The following DMD variants were observed in gnomAD, a reference collection of about 807,000 sequenced individuals.
DMD encodes dystrophin, also known as mutant dystrophin.
Under a neutral mutation model 330.1 loss-of-function variants are expected in DMD, and 63 were observed. The ratio of observed to expected loss-of-function variants is 0.19; its 90% CI spans 0.16 to 0.24. The LOEUF (loss-of-function observed/expected upper bound fraction) is 0.24, where lower values mean the gene tolerates loss of function less well. DMD is among the 10% of genes least tolerant of loss of function. The probability of loss-of-function intolerance (pLI) is 1.00; values close to 1 mark genes in which losing one functional copy is unlikely to be tolerated. For missense variants in DMD, 3,344 were observed against 2,684.1 expected (o/e 1.25, Z -5.43); for synonymous variants, 1,223 against 959.8 (o/e 1.27, Z -5.07).
In DMD at chrX:33,239,406, C is replaced by T. The variant is rs142769983; in HGVS notation, c.7+99853G>A. On this transcript the variant is annotated intron_variant, in intron 1 of 17. Transcript: ENST00000288447. ...TTATGTATGCAACAGCTATATTCTA[C>T]AGGTGTAACAAGAAACAAAGCTAAG... Among the ~76,000 whole-genome samples the T allele has an allele frequency of 2.9e-4, 31 of 108,506 alleles. 1 individual carries two copies. The East Asian group carries it at 8.4e-3, about 30-fold the overall frequency. 94.2% of individuals were successfully genotyped at this position (108,506 alleles called of 115,157 possible).
At chrX:33,320,834 T>A (rs1209312931) in intron 1 of DMD, among the ~76,000 whole-genome samples, 1 of 112,504 alleles carries the variant, frequency 8.9e-6, no homozygotes, top group Admixed American at 9.5e-5. Context: ...TGTGTAATAT[T>A]CTAAATCCTT....
chrX:32,849,629 C>A (rs771532081), intron 3 of DMD, 99 bp downstream of exon 3: 178 of 630,250 alleles, frequency 2.8e-4, no homozygotes, highest in Non-Finnish European at 2.9e-4. Context: ...TCAATCAGTA[C>A]CTAGTCATTC....
chrX:31,626,958 A>G (rs1006160252), intron 55 of DMD, among the ~76,000 whole-genome samples: 6 of 111,905 alleles, frequency 5.4e-5, no homozygotes, highest in African/African-American at 1.6e-4. Context: ...ACAAAACTCC[A>G]TAATAGTTCA....
rs1390386772 is a variant in DMD, at chrX:32,919,338, T to G, written c.94-69518A>C. Among the ~76,000 whole-genome samples, 12 of 112,003 alleles carry G rather than the reference T, an allele frequency of 1.1e-4. No individual in the cohort carries two copies. The Admixed American group carries it at 1.1e-3, about 11-fold the overall frequency. ...AGATACTATCCAACCTGTTTTATAC[T>G]TTTTTGATCAGGTTGCATGTCTAAG... On this transcript the variant is annotated intron_variant, in intron 2 of 78. Coordinates refer to ENST00000357033, the MANE Select transcript of DMD (RefSeq NM_004006.3).
At chrX:31,153,290 C>A (rs1050529817) in intron 74 of DMD, among the ~76,000 whole-genome samples, 1 of 111,992 alleles carries the variant, frequency 8.9e-6, no homozygotes, top group Non-Finnish European at 1.9e-5. Flanking sequence ...TTGCAGCAAA[C>A]TGTTTCTTTT....
chrX:32,832,942 CATTA>C (rs1388321962), intron 4 of DMD, among the ~76,000 whole-genome samples: 1 of 110,930 alleles, frequency 9.0e-6, no homozygotes. Flanking sequence ...TAGAAATTTA[CATTA>C]GATAATTTTT....
intron 4 of DMD, among the ~76,000 whole-genome samples, chrX:32,828,564 C>T (rs2078913917): frequency 9.6e-6 from 1 of 103,804 alleles, no homozygotes; most frequent in Non-Finnish European, 2.0e-5. Flanking sequence ...TGTATCTACA[C>T]ATATACACAT....
At chrX:31,393,794 C>T (rs1399370075) in intron 60 of DMD, among the ~76,000 whole-genome samples, 2 of 111,794 alleles carry the variant, frequency 1.8e-5, no homozygotes, top group Non-Finnish European at 3.8e-5. Context: ...ACACCCCACA[C>T]GTTGACTCCC....
In DMD at chrX:32,027,164, G is replaced by GCACACACACACACATACACACA. The variant is rs1557075785; in HGVS notation, c.6439-58651_6439-58650insTGTGTGTATGTGTGTGTGTGTG. Among the ~76,000 whole-genome samples the GCACACACACACACATACACACA allele has an allele frequency of 4.6e-4, 41 of 89,515 alleles. 1 individual carries two copies. Among genetic ancestry groups the GCACACACACACACATACACACA allele is most frequent in the African/African-American group, 1.7e-3 (38 of 22,776 alleles). The allele number at this position is 89,515 out of a possible 115,157, so 77.7% of individuals were successfully genotyped here. The stretch of plus-strand genomic sequence containing the variant: ...TTATGACACACACACACACGCACGT[G>GCACACACACACACATACACACA]CACACACACACACACACACAGAGAG... On this transcript the variant is annotated intron_variant, in intron 44 of 78. Transcript: ENST00000357033.
At chrX:32,366,678 T>C (rs763629805) in intron 34 of DMD, among the ~76,000 whole-genome samples, 280 of 111,952 alleles carry the variant, frequency 2.5e-3, no homozygotes, top group Non-Finnish European at 4.3e-3. Context: ...TATACCTAAG[T>C]AGTCCTGTGG....
At chrX:32,294,953 C>T (rs1050199931) in intron 42 of DMD, among the ~76,000 whole-genome samples, 2 of 111,225 alleles carry the variant, frequency 1.8e-5, no homozygotes, top group Admixed American at 9.6e-5. Context: ...GTTGCTATGG[C>T]GATATAAACA....
At chrX:31,799,726 G>A (rs934335079) in intron 50 of DMD, among the ~76,000 whole-genome samples, 1 of 111,998 alleles carries the variant, frequency 8.9e-6, no homozygotes. Flanking sequence ...CTAAGGCAAA[G>A]CAAGTCCCAT....
At chrX:32,495,743 A>T (rs1396970914) in intron 19 of DMD, among the ~76,000 whole-genome samples, 1 of 110,975 alleles carries the variant, frequency 9.0e-6, no homozygotes, top group Non-Finnish European at 1.9e-5. Context: ...ATTCCATAGA[A>T]TTATGCTCCT....
intron 7 of DMD, among the ~76,000 whole-genome samples, chrX:32,748,472 A>G (rs1482633522): frequency 1.8e-5 from 2 of 111,841 alleles, no homozygotes; most frequent in African/African-American, 3.2e-5. Flanking sequence ...ATTAAGTACC[A>G]TAGCCAGCTG....
intron 52 of DMD, among the ~76,000 whole-genome samples, chrX:31,705,643 T>C (rs967028140): frequency 2.7e-5 from 3 of 112,389 alleles, no homozygotes; most frequent in Admixed American, 9.4e-5. Flanking sequence ...TTATTTGAGA[T>C]AAATAAGTAA....
At chrX:32,892,416 A>G (rs2085298498) in intron 2 of DMD, among the ~76,000 whole-genome samples, 1 of 112,211 alleles carries the variant, frequency 8.9e-6, no homozygotes, top group Non-Finnish European at 1.9e-5. Context: ...TCTTTGAGAC[A>G]GAGTTCTACT....
chrX:31,269,953 T>G (rs891098476), intron 62 of DMD, among the ~76,000 whole-genome samples: 1 of 111,610 alleles, frequency 9.0e-6, no homozygotes, highest in African/African-American at 3.3e-5. Flanking sequence ...TTTCAGCCAA[T>G]TGGGAGGCAG....
intron 9 of DMD, among the ~76,000 whole-genome samples, chrX:32,664,378 A>T (rs1371643502): frequency 9.2e-6 from 1 of 108,408 alleles, no homozygotes; most frequent in Non-Finnish European, 1.9e-5. Flanking sequence ...AGTAGCTGGG[A>T]CTACAGGCAC....
chrX:32,475,204 G>A (rs1282395806), intron 21 of DMD, among the ~76,000 whole-genome samples: 1 of 111,040 alleles, frequency 9.0e-6, no homozygotes, highest in Non-Finnish European at 1.9e-5. Flanking sequence ...ATTCTGTTCT[G>A]TTGGTCTATG....
Sources: gnomAD v4.1 joint callset for allele counts (sites outside exome capture counted in the v4.1 genomes callset) on GRCh38, gnomAD v4.1.1 for gene constraint, MANE v1.5 for transcripts, NCBI Gene and HGNC (gene_info 2026-07-23, HGNC 2026-07-21) for gene names.